The following TOX variants were observed in gnomAD, a reference collection of about 807,000 sequenced individuals.
TOX encodes the protein thymocyte selection-associated high mobility group box protein TOX.
A neutral mutation model predicts 53.7 loss-of-function variants in TOX; 11 were observed. The ratio of observed to expected loss-of-function variants is 0.20; its 90% confidence interval spans 0.13 to 0.34. TOX has a LOEUF of 0.34. TOX is among the 10% of genes least tolerant of loss of function. TOX has a pLI of 1.00. For missense variants in TOX, 570 were observed against 664.6 expected (o/e 0.86, Z 1.56); for synonymous variants, 225 against 245.3 (o/e 0.92, Z 0.77).
chr8:58,901,002 T>C (rs1302236134), intron 3 of TOX, among the ~76,000 whole-genome samples: 2 of 152,110 alleles, frequency 1.3e-5, no homozygotes, highest in African/African-American at 2.4e-5. Flanking sequence ...CCCTATACCT[T>C]GGACAGCATC....
intron 1 of TOX, among the ~76,000 whole-genome samples, chr8:59,095,176 C>T (rs1351123975): frequency 2.0e-5 from 3 of 151,932 alleles, no homozygotes; most frequent in South Asian, 2.1e-4. Context: ...ATTGAGGTCA[C>T]TTGTTTTAGG....
intron 1 of TOX, among the ~76,000 whole-genome samples, chr8:59,091,191 T>A (rs1468392681): frequency 6.6e-6 from 1 of 152,124 alleles, no homozygotes; most frequent in East Asian, 1.9e-4. Flanking sequence ...CATTCCTCCG[T>A]CCACCACTGC....
chr8:58,821,129 A>G (rs1037939390), intron 6 of TOX, among the ~76,000 whole-genome samples: 2 of 152,222 alleles, frequency 1.3e-5, no homozygotes, highest in African/African-American at 4.8e-5. Context: ...AGATGAATGC[A>G]TTTTTGTTTA....
intron 4 of TOX, among the ~76,000 whole-genome samples, chr8:58,847,992 A>G (rs1009310062): frequency 1.3e-5 from 2 of 152,132 alleles, no homozygotes; most frequent in Non-Finnish European, 1.5e-5. Flanking sequence ...GGTGAAAGAA[A>G]TATATATGTG....
At chr8:58,808,072 G>A in intron 8 of TOX, 46 bp downstream of exon 8, 1 of 1,575,562 alleles carries the variant, frequency 6.3e-7, no homozygotes, top group Non-Finnish European at 8.6e-7. Flanking sequence ...CGATATGCAT[G>A]CTATGAGCGC....
intron 1 of TOX, among the ~76,000 whole-genome samples, chr8:58,975,249 C>T (rs1045943093): frequency 6.1e-5 from 9 of 146,916 alleles, no homozygotes; most frequent in South Asian, 2.2e-4. Context: ...TATATATACA[C>T]ACACACACAC....
intron 7 of TOX, among the ~76,000 whole-genome samples, chr8:58,808,547 A>G (rs1810026056): frequency 6.6e-6 from 1 of 152,244 alleles, no homozygotes; most frequent in Non-Finnish European, 1.5e-5. Flanking sequence ...TTTCAAATAT[A>G]GAGGAGCCAA....
chr8:58,849,059 A>T (rs887978667), intron 4 of TOX, among the ~76,000 whole-genome samples: 1 of 152,134 alleles, frequency 6.6e-6, no homozygotes, highest in Non-Finnish European at 1.5e-5. Context: ...AAAGGAAAAA[A>T]TCCAGTTTAA....
chr8:59,075,660 A>G (rs1490778015), intron 1 of TOX, among the ~76,000 whole-genome samples: 1 of 152,158 alleles, frequency 6.6e-6, no homozygotes, highest in African/African-American at 2.4e-5. Flanking sequence ...CCTCCCCTAC[A>G]TCTGTAAATA....
chr8:58,978,439 A>G (rs1431048142), intron 1 of TOX, among the ~76,000 whole-genome samples: 1 of 152,236 alleles, frequency 6.6e-6, no homozygotes, highest in African/African-American at 2.4e-5. Context: ...CCACCTTTGC[A>G]AGGAATATGC....
chr8:59,068,851 A>G (rs1170533863), intron 1 of TOX, among the ~76,000 whole-genome samples: 2 of 152,202 alleles, frequency 1.3e-5, no homozygotes, highest in Non-Finnish European at 2.9e-5. Context: ...CCACGGGCCC[A>G]GAGGAAGCAT....
At chr8:58,974,144 G>A (rs1479493338) in intron 1 of TOX, among the ~76,000 whole-genome samples, 1 of 152,088 alleles carries the variant, frequency 6.6e-6, no homozygotes, top group African/African-American at 2.4e-5. Flanking sequence ...GCCTGGGGAG[G>A]GCACTTAACA....
At chr8:59,041,072 CCG>C (rs1563427078) in intron 1 of TOX, among the ~76,000 whole-genome samples, 3 of 68,144 alleles carry the variant, frequency 4.4e-5, no homozygotes, top group African/African-American at 1.4e-4. Context: ...AAAAGGGACT[CCG>C]TGTGTGTGTG....
intron 1 of TOX, among the ~76,000 whole-genome samples, chr8:59,072,143 T>C (rs1563437271): frequency 6.6e-6 from 1 of 152,204 alleles, no homozygotes; most frequent in Non-Finnish European, 1.5e-5. Flanking sequence ...GACATCGTTG[T>C]AGTTCAAGTA....
intron 1 of TOX, among the ~76,000 whole-genome samples, chr8:58,969,078 C>T (rs946571300): frequency 2.6e-5 from 4 of 152,134 alleles, no homozygotes; most frequent in Non-Finnish European, 5.9e-5. Context: ...TACATCGTGA[C>T]TAAGTATAAC....
intron 1 of TOX, among the ~76,000 whole-genome samples, chr8:59,077,151 A>T (rs867449526): frequency 7.9e-5 from 12 of 152,224 alleles, no homozygotes; most frequent in Non-Finnish European, 1.2e-4. Context: ...TGGGATGAAC[A>T]TCTTTGAGGA....
intron 7 of TOX, among the ~76,000 whole-genome samples, chr8:58,814,153 G>GTAA (rs1810132218): frequency 6.6e-6 from 1 of 152,060 alleles, no homozygotes; most frequent in Non-Finnish European, 1.5e-5. Context: ...AATAATAGTA[G>GTAA]TAATAATAAT....
At chr8:58,998,535 A>ATATATAT (rs1563413560) in intron 1 of TOX, among the ~76,000 whole-genome samples, 2 of 12,278 alleles carry the variant, frequency 1.6e-4, no homozygotes, top group Non-Finnish European at 3.0e-4. Flanking sequence ...ATATATATAT[A>ATATATAT]TATAAATTTA....
chr8:59,096,135 TA>T (rs1402790833), intron 1 of TOX, among the ~76,000 whole-genome samples: 1 of 152,226 alleles, frequency 6.6e-6, no homozygotes, highest in Non-Finnish European at 1.5e-5. Context: ...AAATTACTAC[TA>T]AAAGTATAAA....
Sources: allele counts gnomAD v4.1 joint callset (sites outside exome capture counted in the v4.1 genomes callset), GRCh38; gene constraint gnomAD v4.1.1; transcripts MANE v1.5; gene names NCBI Gene and HGNC (gene_info 2026-07-23, HGNC 2026-07-21).